Variants in SWAP70 observed in about 807,000 individuals in gnomAD.
SWAP70 encodes switching B cell complex subunit SWAP70.
SWAP70 carries 34 observed loss-of-function variants against 80.2 expected under a neutral mutation model. The ratio of observed to expected loss-of-function variants is 0.42; its 90% confidence interval spans 0.32 to 0.56. SWAP70 has a LOEUF of 0.56. SWAP70 is among the 20% of genes least tolerant of loss of function. SWAP70 has a pLI of 0.09. For missense variants in SWAP70, 578 were observed against 690.7 expected (o/e 0.84, Z 1.83); for synonymous variants, 239 against 238.5 (o/e 1.00, Z -0.02).
At chr11:9,680,743 T>C (rs1486607727) in intron 1 of SWAP70, among the ~76,000 whole-genome samples, 1 of 152,160 alleles carries the variant, frequency 6.6e-6, no homozygotes. Flanking sequence ...ATTTTGGATA[T>C]AGTATTTAAG....
At chr11:9,668,135 C>T (rs1183974434) in intron 1 of SWAP70, among the ~76,000 whole-genome samples, 3 of 152,166 alleles carry the variant, frequency 2.0e-5, no homozygotes, top group Admixed American at 6.5e-5. Context: ...GTGATCCACC[C>T]GCCTTGGCCT....
At chr11:9,734,458 G>C (rs1451372982) in intron 7 of SWAP70, among the ~76,000 whole-genome samples, 3 of 152,164 alleles carry the variant, frequency 2.0e-5, no homozygotes, top group African/African-American at 7.2e-5. Context: ...GACCTATGTA[G>C]ACAGCTTTCC....
intron 6 of SWAP70, among the ~76,000 whole-genome samples, chr11:9,730,139 G>A (rs930398147): frequency 1.3e-5 from 2 of 151,996 alleles, no homozygotes; most frequent in African/African-American, 2.4e-5. Context: ...AGTCTCCAAT[G>A]TCTATTATTC....
At chr11:9,720,891 C>G (rs1851125696) in intron 3 of SWAP70, among the ~76,000 whole-genome samples, 1 of 152,232 alleles carries the variant, frequency 6.6e-6, no homozygotes, top group Admixed American at 6.5e-5. Context: ...TCTTGGCTCA[C>G]TGCAATCTCT....
chr11:9,664,113 A>G lies in SWAP70; in HGVS notation c.-67A>G. 2 of 1,455,212 alleles carry G rather than the reference A, an allele frequency of 1.4e-6. No individual in the cohort carries two copies. Among genetic ancestry groups the G allele is most frequent in the Non-Finnish European group, 1.8e-6 (2 of 1,084,876 alleles). The allele number at this position is 1,455,212 out of a possible 1,614,324, so 90.1% of individuals were successfully genotyped here. On this transcript the variant is annotated 5_prime_UTR_variant, in exon 1 of 12. Transcript: ENST00000318950. The stretch of plus-strand genomic sequence containing the variant: ...CGGCGGGCTGTGGCTGCGGAGGTTG[A>G]GGGGCGTCCGAGGCGCGGAGGGGCT...
intron 1 of SWAP70, among the ~76,000 whole-genome samples, chr11:9,684,288 C>T (rs947265907): frequency 2.0e-5 from 3 of 152,080 alleles, no homozygotes; most frequent in Admixed American, 1.3e-4. Flanking sequence ...TGTTATGTTG[C>T]CCGGGCTGGT....
intron 1 of SWAP70, among the ~76,000 whole-genome samples, chr11:9,689,791 C>T (rs1242196869): frequency 6.6e-6 from 1 of 152,186 alleles, no homozygotes; most frequent in Non-Finnish European, 1.5e-5. Flanking sequence ...TCCCAGACTT[C>T]TAGGTATGTG....
At chr11:9,691,433 C>T (rs1313339736) in intron 1 of SWAP70, among the ~76,000 whole-genome samples, 2 of 152,192 alleles carry the variant, frequency 1.3e-5, no homozygotes, top group Non-Finnish European at 2.9e-5. Context: ...TGCTGCCTTC[C>T]TCACAGTTTG....
chr11:9,728,367 A>T (rs975303298), intron 5 of SWAP70, among the ~76,000 whole-genome samples, 168 bp downstream of exon 5: 78 of 152,242 alleles, frequency 5.1e-4, no homozygotes, highest in African/African-American at 1.8e-3. Flanking sequence ...ACCAAAAATT[A>T]AACATAGCTG....
chr11:9,742,884 CT>C (rs56710904), intron 9 of SWAP70, among the ~76,000 whole-genome samples: 7,950 of 140,882 alleles, frequency 0.056, 267 homozygotes, highest in Non-Finnish European at 0.077. Context: ...CTTCTCACTC[CT>C]TTTTTTTTTT....
At chr11:9,709,941 A>G (rs1486713372) in intron 2 of SWAP70, among the ~76,000 whole-genome samples, 1 of 152,238 alleles carries the variant, frequency 6.6e-6, no homozygotes, top group Non-Finnish European at 1.5e-5. Context: ...AATCTAGAGA[A>G]AAGAAAATGT....
intron 4 of SWAP70, among the ~76,000 whole-genome samples, chr11:9,725,569 A>ATTTTTT (rs746391271): frequency 2.3e-4 from 6 of 26,602 alleles, no homozygotes; most frequent in African/African-American, 6.2e-4. Flanking sequence ...ATATATATAT[A>ATTTTTT]TTTTTTTTTT....
At chr11:9,701,187 T>C (rs1293326113) in intron 2 of SWAP70, among the ~76,000 whole-genome samples, 1 of 152,096 alleles carries the variant, frequency 6.6e-6, no homozygotes, top group African/African-American at 2.4e-5. Flanking sequence ...TTTTTTTTTT[T>C]TTGAGACAAG....
In SWAP70 at chr11:9,718,430, G is replaced by A. The variant is rs117807272; in HGVS notation, c.414+4791G>A. ...AATCACATGGATTTGTATTTATGAA[G>A]CTCTTAGCCTATCACCTGGCCTTTG... On this transcript the variant is annotated intron_variant, in intron 3 of 11. Transcript: ENST00000318950. Among the ~76,000 whole-genome samples the A allele has an allele frequency of 3.4e-4, 52 of 152,270 alleles. No individual in the cohort carries two copies. The East Asian group carries it at 9.4e-3, about 28-fold the overall frequency.
chr11:9,691,224 T>TA (rs1322465073), intron 1 of SWAP70, among the ~76,000 whole-genome samples: 1 of 152,234 alleles, frequency 6.6e-6, no homozygotes, highest in East Asian at 1.9e-4. Context: ...AGCCTGTTGT[T>TA]ATATTTTTTG....
At position 9,671,796 on chromosome 11, in the gene SWAP70, A is replaced by G. The variant is rs1444767058; in HGVS notation, c.99+7518A>G. On this transcript the variant is annotated intron_variant, in intron 1 of 11. Transcript: ENST00000318950. Reference sequence around the variant, plus strand: ...AAATATAATATATTATTATTTATAAATATATATAAATATAAATATATAAAT... The same window carrying G: ...AAATATAATATATTATTATTTATAAGTATATATAAATATAAATATATAAAT... Among the ~76,000 whole-genome samples the G allele has an allele frequency of 3.9e-5, 4 of 102,476 alleles. No homozygotes were observed. In the Admixed American group the frequency reaches 5.7e-4, roughly 15 times the overall value. The allele number at this position is 102,476 out of a possible 152,430, so 67.2% of individuals were successfully genotyped here.
chr11:9,673,946 C>T lies in SWAP70; in HGVS notation c.99+9668C>T, dbSNP rs558647276. On this transcript the variant is annotated intron_variant, in intron 1 of 11. Transcript: ENST00000318950. ...ATGGAATCCCGCTCTGTCGCCCAGG[C>T]TGGAGTGCAATGGCATGATCTTGGC... Among the ~76,000 whole-genome samples, 57 of 152,272 alleles carry T rather than the reference C, an allele frequency of 3.7e-4. No individual in the cohort carries two copies. The South Asian group carries it at 6.8e-3, about 18-fold the overall frequency.
rs1269041131 is a variant in SWAP70 at position 9,750,710 on chromosome 11, A to G, written c.*740A>G. Reference sequence around the variant, plus strand: ...TGGCAGCGTGTTTCCTTTTCCGAGTATGTGCTGTTAAACTAGATTGGCCGG... The same window carrying G: ...TGGCAGCGTGTTTCCTTTTCCGAGTGTGTGCTGTTAAACTAGATTGGCCGG... On this transcript the variant is annotated 3_prime_UTR_variant, in exon 12 of 12. Coordinates refer to ENST00000318950, the MANE Select transcript of SWAP70 (RefSeq NM_015055.4). 6.6e-6 allele frequency: 1 copy of G among 152,252 alleles called. No individual in the cohort carries two copies. The highest frequency in any genetic ancestry group is 2.4e-5 in the African/African-American group (1 of 41,434). The allele number at this position is 152,252 out of a possible 1,614,324, so 9.4% of individuals were successfully genotyped here. A position where few individuals can be genotyped will look rare whatever the true frequency, so the allele number is the denominator to read the frequency against.
In SWAP70 at chr11:9,664,114, G is replaced by C; in HGVS notation, c.-66G>C. The C allele has an allele frequency of 6.8e-7, 1 of 1,469,662 alleles. No individual in the cohort carries two copies. Among genetic ancestry groups the C allele is most frequent in the Non-Finnish European group, 9.1e-7 (1 of 1,094,480 alleles). 91.0% of individuals were successfully genotyped at this position (1,469,662 alleles called of 1,614,324 possible). On this transcript the variant is annotated 5_prime_UTR_variant, in exon 1 of 12. Coordinates refer to ENST00000318950, the MANE Select transcript of SWAP70 (RefSeq NM_015055.4). ...GGCGGGCTGTGGCTGCGGAGGTTGA[G>C]GGGCGTCCGAGGCGCGGAGGGGCTG... is the stretch of plus-strand genomic sequence containing the variant.
Sources: allele counts gnomAD v4.1 joint callset (sites outside exome capture counted in the v4.1 genomes callset), GRCh38; gene constraint gnomAD v4.1.1; transcripts MANE v1.5; gene names NCBI Gene and HGNC (gene_info 2026-07-23, HGNC 2026-07-21).